The following CACNA1C variants were observed in gnomAD, a reference collection of about 807,000 sequenced individuals.
The protein encoded by CACNA1C is calcium voltage-gated channel subunit alpha1 C.
Under a neutral mutation model 229.0 loss-of-function variants are expected in CACNA1C, and 30 were observed. The ratio of observed to expected loss-of-function variants is 0.13; its 90% CI spans 0.10 to 0.18. The LOEUF is 0.18. Among genes scored for constraint, CACNA1C ranks in the 10% least tolerant of loss-of-function variants. CACNA1C has a pLI of 1.00. For synonymous variants in CACNA1C, 1,114 were observed against 1,132.5 expected (o/e 0.98, Z 0.33); for missense variants, 1,658 against 2,845.0 (o/e 0.58, Z 9.49).
intron 1 of CACNA1C, among the ~76,000 whole-genome samples, chr12:2,001,780 T>TA (rs2042244342): frequency 6.6e-6 from 1 of 152,208 alleles, no homozygotes; most frequent in Non-Finnish European, 1.5e-5. Context: ...AACACAACGT[T>TA]AGTCACTTTA....
chr12:2,270,196 C>G (rs867904740), intron 3 of CACNA1C, among the ~76,000 whole-genome samples: 8 of 152,302 alleles, frequency 5.3e-5, no homozygotes, highest in Middle Eastern at 6.8e-3. Context: ...GAAGGCTCGT[C>G]CTGAGAAGGC....
Position 2,677,709 on chromosome 12 carries a change from C to T in CACNA1C, c.4957-24C>T, listed in dbSNP as rs763475222. The T allele has an allele frequency of 6.2e-7, 1 of 1,608,214 alleles. No individual in the cohort carries two copies. Among genetic ancestry groups the T allele is most frequent in the African/African-American group, 1.3e-5 (1 of 74,894 alleles). On this transcript the variant is annotated intron_variant, in intron 40 of 46. Coordinates refer to ENST00000399655, the MANE Select transcript of CACNA1C (RefSeq NM_000719.7). The surrounding 1 kb of genome is among the most constrained non-coding windows in gnomAD (Gnocchi z 7.4). ...CTTGGAGGAAAGGGAGCGTGGTCCT[C>T]ACCATCCTCCCCTTGGATTCCAGGC... is the stretch of plus-strand genomic sequence containing the variant.
chr12:2,236,940 G>GT (rs529423524), intron 3 of CACNA1C, among the ~76,000 whole-genome samples: 178 of 152,290 alleles, frequency 1.2e-3, no homozygotes, highest in Non-Finnish European at 1.9e-3. Flanking sequence ...GCCTCCAGGG[G>GT]TTTCTGGTCC....
intron 3 of CACNA1C, among the ~76,000 whole-genome samples, chr12:2,194,360 C>T (rs2097338542): frequency 6.6e-6 from 1 of 151,384 alleles, no homozygotes. Context: ...TCCTCCTCCT[C>T]CCTGCTCTTC....
At chr12:2,625,311 C>T (rs1303840457) in intron 29 of CACNA1C, among the ~76,000 whole-genome samples, 1 of 152,060 alleles carries the variant, frequency 6.6e-6, no homozygotes, top group East Asian at 1.9e-4. Flanking sequence ...GTAAAAAAGC[C>T]CGGTGGGAAA....
At chr12:2,401,158 T>C (rs1412807083) in intron 3 of CACNA1C, among the ~76,000 whole-genome samples, 2 of 152,220 alleles carry the variant, frequency 1.3e-5, no homozygotes, top group South Asian at 4.1e-4. Flanking sequence ...ATTATTCTGA[T>C]ACTACTGCAT....
chr12:2,120,184 C>G (rs2085932132), intron 2 of CACNA1C, 141 bp from the exon 3 acceptor site: 4 of 664,738 alleles, frequency 6.0e-6, no homozygotes, highest in Non-Finnish European at 5.4e-6. Flanking sequence ...GCATATGTTT[C>G]TTTTCAGAAT....
At chr12:2,495,073 A>C (rs1482747371) in intron 7 of CACNA1C, among the ~76,000 whole-genome samples, 1 of 152,238 alleles carries the variant, frequency 6.6e-6, no homozygotes, top group African/African-American at 2.4e-5. Flanking sequence ...AAAGAAGACA[A>C]AGGTCAGAAC....
rs1414921244 is a variant in CACNA1C at position 2,034,611 on chromosome 12, C to A, written c.139+63410C>A. 6.6e-6 allele frequency among the ~76,000 whole-genome samples: 1 copy of A among 152,074 alleles called. No individual in the cohort carries two copies. Among genetic ancestry groups the A allele is most frequent in the African/African-American group, 2.4e-5 (1 of 41,376 alleles). On this transcript the variant is annotated intron_variant, in intron 1 of 46. Transcript: ENST00000682462. The surrounding 1 kb of genome is among the most constrained non-coding windows in gnomAD (Gnocchi z 4.1). ...CCCAGCACACAGCTCAAAGAGAAGG[C>A]CAGTGTAATATGCTGGTTCAATATC...
intron 1 of CACNA1C, among the ~76,000 whole-genome samples, chr12:1,979,022 CAT>C (rs751203965): frequency 9.9e-5 from 15 of 152,118 alleles, no homozygotes; most frequent in Non-Finnish European, 1.9e-4. Context: ...TTTGTGTGGA[CAT>C]GTGCTTTCGG....
intron 3 of CACNA1C, among the ~76,000 whole-genome samples, chr12:2,241,173 A>G (rs1157661849): frequency 6.6e-6 from 1 of 152,068 alleles, no homozygotes; most frequent in Non-Finnish European, 1.5e-5. Flanking sequence ...CCTCCCACGC[A>G]TGGAGAAGAC....
chr12:2,416,929 G>C (rs1272651620), intron 3 of CACNA1C, among the ~76,000 whole-genome samples: 7 of 152,210 alleles, frequency 4.6e-5, no homozygotes. Context: ...CACATCCGGA[G>C]TGTTCACATT....
chr12:2,682,031 G>C (rs763439044), intron 42 of CACNA1C: 16 of 1,606,888 alleles, frequency 1.0e-5, no homozygotes, highest in Non-Finnish European at 1.4e-5. Flanking sequence ...ACTGCCTTCT[G>C]CTCAGGAGAG....
At chr12:2,631,074 G>A (rs888893512) in intron 29 of CACNA1C, among the ~76,000 whole-genome samples, 1 of 152,188 alleles carries the variant, frequency 6.6e-6, no homozygotes, top group Non-Finnish European at 1.5e-5. Context: ...TGGTGTGCCC[G>A]CTGATTAACT....
intron 11 of CACNA1C, among the ~76,000 whole-genome samples, chr12:2,562,528 A>G (rs188672734): frequency 6.6e-6 from 1 of 152,334 alleles, no homozygotes; most frequent in Admixed American, 6.5e-5. Flanking sequence ...CACAGGAAAA[A>G]AGCAGAGGCA....
At chr12:2,391,444 C>G (rs1196923529) in intron 3 of CACNA1C, among the ~76,000 whole-genome samples, 2 of 152,134 alleles carry the variant, frequency 1.3e-5, no homozygotes, top group East Asian at 3.9e-4. Context: ...GAAAGGGCAA[C>G]CACGAAAGGC....
chr12:2,600,271 G>A (rs534761820), intron 21 of CACNA1C, among the ~76,000 whole-genome samples: 1 of 152,286 alleles, frequency 6.6e-6, no homozygotes, highest in African/African-American at 2.4e-5. Flanking sequence ...ATACTCCCTT[G>A]CATCTTTTAT....
chr12:2,343,080 A>T (rs2154522550), intron 3 of CACNA1C, among the ~76,000 whole-genome samples: 1 of 152,368 alleles, frequency 6.6e-6, no homozygotes, highest in East Asian at 1.9e-4. Flanking sequence ...CCAAAGATAC[A>T]TGGCTAGAAG....
chr12:2,079,863 A>AATGT (rs1288888932), intron 1 of CACNA1C, among the ~76,000 whole-genome samples: 1 of 152,200 alleles, frequency 6.6e-6, no homozygotes, highest in Non-Finnish European at 1.5e-5. Flanking sequence ...AGTAAAAAAT[A>AATGT]ATGTACACCT....
Sources: allele counts gnomAD v4.1 joint callset (sites outside exome capture counted in the v4.1 genomes callset), GRCh38; gene constraint gnomAD v4.1.1; non-coding constraint Gnocchi (gnomAD v3.1); transcripts MANE v1.5; gene names NCBI Gene and HGNC (gene_info 2026-07-23, HGNC 2026-07-21).